The following AOPEP variants were observed in gnomAD, a reference collection of about 807,000 sequenced individuals.
AOPEP encodes the protein aminopeptidase O (putative).
In AOPEP, 77 loss-of-function variants were observed where a neutral mutation model predicts 98.1. The observed-to-expected ratio is 0.78, with a 90% CI of 0.65 to 0.95. The LOEUF is 0.95. Ranked by LOEUF, AOPEP falls within the 40% of genes least tolerant of loss-of-function variation. The pLI is 0.00. For synonymous variants in AOPEP, 346 were observed against 365.3 expected (o/e 0.95, Z 0.60); for missense variants, 1,024 against 1,024.7 (o/e 1.00, Z 0.01).
intron 11 of AOPEP, among the ~76,000 whole-genome samples, chr9:95,004,793 G>T (rs1359296908): frequency 1.4e-5 from 2 of 145,746 alleles, no homozygotes; most frequent in Non-Finnish European, 3.0e-5. Context: ...GCGCGGGGGC[G>T]CGGGGCGGCC....
chr9:94,998,416 TTC>T (rs2061368379), intron 11 of AOPEP, among the ~76,000 whole-genome samples: 1 of 152,152 alleles, frequency 6.6e-6, no homozygotes, highest in Non-Finnish European at 1.5e-5. Context: ...GCCACTCTTC[TTC>T]TCTCTAGCAG....
intron 11 of AOPEP, among the ~76,000 whole-genome samples, chr9:94,986,004 G>A (rs78740842): frequency 0.078 from 11,816 of 152,122 alleles, 1,156 homozygotes; most frequent in African/African-American, 0.23. Context: ...CTTTATTTTT[G>A]GCATCTAAGG....
chr9:94,814,227 C>T (rs1017929807), intron 5 of AOPEP, among the ~76,000 whole-genome samples: 1 of 152,194 alleles, frequency 6.6e-6, no homozygotes, highest in Admixed American at 6.5e-5. Flanking sequence ...CATATGATGG[C>T]TTAATAATGA....
chr9:95,073,806 C>T (rs948249499), intron 14 of AOPEP, among the ~76,000 whole-genome samples: 2 of 152,094 alleles, frequency 1.3e-5, no homozygotes, highest in African/African-American at 4.8e-5. Flanking sequence ...TTGCAGTGAG[C>T]CGAGATCGCG....
At chr9:94,797,176 T>G (rs982235397) in intron 4 of AOPEP, among the ~76,000 whole-genome samples, 5 of 152,160 alleles carry the variant, frequency 3.3e-5, no homozygotes, top group Admixed American at 2.6e-4. Context: ...GCTCACGCCA[T>G]TAATCCCAGC....
At chr9:94,822,425 T>C (rs1853452486) in intron 5 of AOPEP, among the ~76,000 whole-genome samples, 2 of 152,224 alleles carry the variant, frequency 1.3e-5, no homozygotes, top group Non-Finnish European at 2.9e-5. Flanking sequence ...TGGCTAAGCT[T>C]TGCTGTTTTT....
intron 1 of AOPEP, among the ~76,000 whole-genome samples, chr9:94,728,500 C>T (rs369409703): frequency 3.9e-5 from 6 of 152,232 alleles, no homozygotes; most frequent in East Asian, 1.9e-4. Context: ...TCACTGTGCC[C>T]GGTCGAGGAC....
chr9:95,030,027 C>G (rs1208976547), intron 13 of AOPEP, among the ~76,000 whole-genome samples: 1 of 152,178 alleles, frequency 6.6e-6, no homozygotes, highest in East Asian at 1.9e-4. Flanking sequence ...GGTGTGATAC[C>G]TTTCCTGTAT....
chr9:94,734,144 T>C (rs1166513841), intron 1 of AOPEP, among the ~76,000 whole-genome samples: 1 of 152,156 alleles, frequency 6.6e-6, no homozygotes, highest in Admixed American at 6.5e-5. Context: ...GATACAGTGC[T>C]CCCCGCCGAG....
chr9:94,825,337 C>T (rs1315845653), intron 5 of AOPEP, among the ~76,000 whole-genome samples: 1 of 152,184 alleles, frequency 6.6e-6, no homozygotes, highest in Non-Finnish European at 1.5e-5. Context: ...AAGGCTGGGC[C>T]CTTCTCTCCC....
At chr9:94,933,747 T>A in intron 7 of AOPEP, 1 of 837,310 alleles carries the variant, frequency 1.2e-6, no homozygotes, top group Non-Finnish European at 1.4e-6. Flanking sequence ...TTTATTTATT[T>A]TTTTTAATTT....
At chr9:95,000,049 G>A (rs1035887964) in intron 11 of AOPEP, among the ~76,000 whole-genome samples, 1 of 152,148 alleles carries the variant, frequency 6.6e-6, no homozygotes, top group African/African-American at 2.4e-5. Context: ...GCATGAAACT[G>A]ACTTCCTTTT....
At chr9:95,111,675 A>G in the AOPEP span, 700,401 of 1,612,506 alleles carry the variant, frequency 0.43, 155,817 homozygotes, top group East Asian at 0.61. Flanking sequence ...TTGACAACCT[A>G]AATTCTTCTT....
chr9:94,923,146 A>G (rs932884793), intron 5 of AOPEP, among the ~76,000 whole-genome samples: 3 of 152,220 alleles, frequency 2.0e-5, no homozygotes, highest in Admixed American at 1.3e-4. Flanking sequence ...TTGCTGAAGG[A>G]GGAGGCATGG....
At chr9:95,089,934 A>G (rs971408924), downstream of AOPEP, among the ~76,000 whole-genome samples, 1 of 152,210 alleles carries the variant, frequency 6.6e-6, no homozygotes, top group African/African-American at 2.4e-5. Context: ...CGGACCCAGG[A>G]CTGGAGGGTC....
At chr9:94,900,941 A>C (rs1485520780) in intron 5 of AOPEP, 1 of 151,974 alleles carries the variant, frequency 6.6e-6, no homozygotes, top group East Asian at 1.9e-4. Context: ...AACTTGCTCA[A>C]CTCTTTCCTG....
chr9:94,755,660 T>G (rs1205220443), intron 1 of AOPEP, among the ~76,000 whole-genome samples: 2 of 152,086 alleles, frequency 1.3e-5, no homozygotes, highest in Admixed American at 6.6e-5. Flanking sequence ...AAGGAAGATG[T>G]GGAAAAGAGA....
At chr9:94,942,726 C>T (rs529284341) in intron 7 of AOPEP, among the ~76,000 whole-genome samples, 2 of 152,134 alleles carry the variant, frequency 1.3e-5, no homozygotes, top group East Asian at 1.9e-4. Flanking sequence ...AGTAAAGTTT[C>T]GAGATATAGG....
intron 5 of AOPEP, among the ~76,000 whole-genome samples, chr9:94,831,762 C>T (rs1203128646): frequency 6.6e-6 from 1 of 151,796 alleles, no homozygotes; most frequent in Non-Finnish European, 1.5e-5. Flanking sequence ...CTTGAATGAA[C>T]TCTTATTCCC....
Sources: allele counts gnomAD v4.1 joint callset (sites outside exome capture counted in the v4.1 genomes callset), GRCh38; gene constraint gnomAD v4.1.1; transcripts MANE v1.5; gene names NCBI Gene and HGNC (gene_info 2026-07-23, HGNC 2026-07-21).